Variants in SLIT3 observed in about 807,000 individuals in gnomAD.
SLIT3 encodes slit homolog 3 protein.
SLIT3 carries 68 observed loss-of-function variants against 184.0 expected under a neutral mutation model. That is an observed-to-expected ratio of 0.37 (90% CI 0.30 to 0.45). The LOEUF (loss-of-function observed/expected upper bound fraction) is 0.45. Among genes scored for constraint, SLIT3 ranks in the 20% least tolerant of loss-of-function variants. The pLI is 1.00. For synonymous variants in SLIT3, 831 were observed against 828.6 expected (o/e 1.00, Z -0.05); for missense variants, 1,707 against 2,026.0 (o/e 0.84, Z 3.02).
chr5:168,769,698 T>C (rs994307872), intron 14 of SLIT3, among the ~76,000 whole-genome samples: 1 of 152,186 alleles, frequency 6.6e-6, no homozygotes, highest in Non-Finnish European at 1.5e-5. Flanking sequence ...ATCCATCCTG[T>C]TCGTGCAAAC....
At chr5:168,901,281 G>A (rs372391098) in intron 4 of SLIT3, among the ~76,000 whole-genome samples, 1 of 151,984 alleles carries the variant, frequency 6.6e-6, no homozygotes, top group South Asian at 2.1e-4. Context: ...GGAGAATGAC[G>A]TGAACCTGGG....
rs1056949778 is a variant in SLIT3 at position 168,986,174 on chromosome 5, G to A, written c.414-102838C>T. On this transcript the variant is annotated intron_variant, in intron 4 of 35. Transcript: ENST00000519560. ...TCAGTTCTTTCATGTCTTTTCTTAC[G>A]TCTGGTTCTCCCAATTCCCTGACAG... 5.3e-5 allele frequency among the ~76,000 whole-genome samples: 8 copies of A among 151,978 alleles called. No individual in the cohort carries two copies. In the South Asian group the frequency reaches 6.2e-4, roughly 12 times the overall value.
chr5:168,863,932 G>A (rs1225107729), intron 5 of SLIT3, among the ~76,000 whole-genome samples: 1 of 151,902 alleles, frequency 6.6e-6, no homozygotes, highest in East Asian at 1.9e-4. Flanking sequence ...ATAAAAGCAT[G>A]TGTGGGCCAG....
At chr5:168,916,911 A>C (rs1395752102) in intron 4 of SLIT3, among the ~76,000 whole-genome samples, 1 of 151,976 alleles carries the variant, frequency 6.6e-6, no homozygotes, top group African/African-American at 2.4e-5. Flanking sequence ...ACAACACCAA[A>C]ATGCTGCACA....
At chr5:168,990,188 G>A (rs1755273116) in intron 4 of SLIT3, among the ~76,000 whole-genome samples, 1 of 152,128 alleles carries the variant, frequency 6.6e-6, no homozygotes, top group South Asian at 2.1e-4. Flanking sequence ...TGCACCCTTG[G>A]CAATTGCAGC....
intron 4 of SLIT3, among the ~76,000 whole-genome samples, chr5:168,903,079 C>A (rs535740442): frequency 7.2e-5 from 11 of 152,152 alleles, no homozygotes; most frequent in Non-Finnish European, 1.6e-4. Flanking sequence ...ATCAGCAGAC[C>A]AACAGGCACA....
intron 6 of SLIT3, among the ~76,000 whole-genome samples, chr5:168,828,727 A>G (rs531860841): frequency 6.6e-6 from 1 of 151,726 alleles, no homozygotes. Context: ...GTAACATGTT[A>G]GAAATGCATA....
chr5:168,769,332 AC>A (rs1229490909), intron 14 of SLIT3, among the ~76,000 whole-genome samples: 3 of 152,102 alleles, frequency 2.0e-5, no homozygotes, highest in Non-Finnish European at 4.4e-5. Context: ...TCTTGAAGAA[AC>A]TGGAGCTAAG....
intron 14 of SLIT3, chr5:168,768,284 G>A (rs771525954): frequency 4.2e-6 from 2 of 481,888 alleles, no homozygotes; most frequent in Non-Finnish European, 8.6e-6. Flanking sequence ...CAGCGTCAGA[G>A]AGAGGACAGG....
chr5:168,779,999 G>A (rs781116027), intron 12 of SLIT3, among the ~76,000 whole-genome samples: 1 of 152,254 alleles, frequency 6.6e-6, no homozygotes, highest in Non-Finnish European at 1.5e-5. Context: ...AATGAAGGTT[G>A]CCCTTGGAGC....
chr5:168,870,391 C>T (rs556670736), intron 5 of SLIT3, among the ~76,000 whole-genome samples: 10 of 152,322 alleles, frequency 6.6e-5, no homozygotes, highest in South Asian at 6.2e-4. Flanking sequence ...TTTCAAAAGC[C>T]CTAAGCCCCA....
At chr5:168,927,555 A>T (rs1761869518) in intron 4 of SLIT3, among the ~76,000 whole-genome samples, 2 of 152,226 alleles carry the variant, frequency 1.3e-5, no homozygotes, top group Non-Finnish European at 2.9e-5. Context: ...TAAAAGTCCA[A>T]GGTACCTGGT....
intron 5 of SLIT3, among the ~76,000 whole-genome samples, chr5:168,861,190 T>C (rs1212464668): frequency 2.0e-5 from 3 of 152,198 alleles, no homozygotes; most frequent in Non-Finnish European, 2.9e-5. Flanking sequence ...ATGTGCCATG[T>C]TGGTGTGCTG....
chr5:169,010,191 G>C (rs187143480), intron 4 of SLIT3, among the ~76,000 whole-genome samples: 43 of 152,298 alleles, frequency 2.8e-4, no homozygotes, highest in South Asian at 4.1e-4. Flanking sequence ...GCAAACACAG[G>C]ACCAGAGGTG....
At chr5:168,692,483 G>C (rs1333770929) in intron 29 of SLIT3, 124 bp downstream of exon 29, 1 of 636,424 alleles carries the variant, frequency 1.6e-6, no homozygotes, top group Non-Finnish European at 2.8e-6. Flanking sequence ...CTGAATCAGA[G>C]ATGCAGAGAA....
At chr5:169,071,232 T>C (rs1190554719) in intron 4 of SLIT3, among the ~76,000 whole-genome samples, 7 of 152,230 alleles carry the variant, frequency 4.6e-5, no homozygotes, top group East Asian at 1.9e-4. Context: ...GAAAGTGCCA[T>C]GTTGGCTTCA....
At chr5:169,003,552 A>G (rs1385575163) in intron 4 of SLIT3, among the ~76,000 whole-genome samples, 1 of 152,246 alleles carries the variant, frequency 6.6e-6, no homozygotes. Context: ...AGATGTGAAC[A>G]CAGACGTGAA....
chr5:169,248,989 A>C (rs1487176971), intron 2 of SLIT3, among the ~76,000 whole-genome samples: 1 of 152,138 alleles, frequency 6.6e-6, no homozygotes, highest in Non-Finnish European at 1.5e-5. Context: ...TGGGTGGCCA[A>C]TTTTTCAAGA....
intron 4 of SLIT3, chr5:169,018,493 A>T (rs1263960899): frequency 6.6e-5 from 10 of 152,320 alleles, no homozygotes; most frequent in Non-Finnish European, 1.2e-4. Context: ...ATAGACAGAC[A>T]GGTGAGAGGA....
Sources: allele counts gnomAD v4.1 joint callset (sites outside exome capture counted in the v4.1 genomes callset), GRCh38; gene constraint gnomAD v4.1.1; transcripts MANE v1.5; gene names NCBI Gene and HGNC (gene_info 2026-07-23, HGNC 2026-07-21).